Variants in PTPRB observed in about 807,000 individuals in gnomAD.
The protein encoded by PTPRB is receptor-type tyrosine-protein phosphatase beta.
Under a neutral mutation model 238.1 loss-of-function variants are expected in PTPRB, and 97 were observed. That is an observed-to-expected ratio of 0.41 (90% CI 0.35 to 0.48). The LOEUF (loss-of-function observed/expected upper bound fraction) is 0.48, where lower values mean the gene tolerates loss of function less well. PTPRB is among the 20% of genes least tolerant of loss of function. The pLI, the probability that PTPRB is intolerant of heterozygous loss-of-function variation, is 0.30. For missense variants in PTPRB, 2,292 were observed against 2,681.9 expected (o/e 0.85, Z 3.21); for synonymous variants, 970 against 995.4 (o/e 0.97, Z 0.48).
intron 22 of PTPRB, among the ~76,000 whole-genome samples, 193 bp downstream of exon 22, chr12:70,544,364 A>G (rs1476854422): frequency 6.6e-6 from 1 of 152,226 alleles, no homozygotes; most frequent in African/African-American, 2.4e-5. Context: ...TTCTTTTTAG[A>G]TTAACCCCCT....
intron 23 of PTPRB, chr12:70,540,367 GA>G (rs561713994): frequency 2.7e-5 from 6 of 221,794 alleles, no homozygotes; most frequent in African/African-American, 6.9e-5. Flanking sequence ...GCCAAATTAA[GA>G]AAAAAAATTC....
intron 11 of PTPRB, 103 bp downstream of exon 11, chr12:70,576,279 A>AG (rs1880676438): frequency 3.9e-6 from 5 of 1,278,884 alleles, no homozygotes; most frequent in Non-Finnish European, 5.4e-6. Context: ...TGTGATCTCA[A>AG]GGGCCTTTCA....
intron 31 of PTPRB, among the ~76,000 whole-genome samples, chr12:70,532,547 C>A (rs1201019078): frequency 6.6e-6 from 1 of 152,104 alleles, no homozygotes; most frequent in Non-Finnish European, 1.5e-5. Flanking sequence ...AACTTTCCTA[C>A]TCAATATTAT....
intron 4 of PTPRB, 74 bp downstream of exon 4, chr12:70,608,995 T>A: frequency 1.3e-6 from 2 of 1,516,102 alleles, no homozygotes; most frequent in Non-Finnish European, 1.8e-6. Flanking sequence ...GGAACTCAAA[T>A]GAAACACCAG....
In PTPRB at chr12:70,598,986, C is replaced by T. The variant is rs370296604; in HGVS notation, c.980-2659G>A. Among the ~76,000 whole-genome samples the T allele has an allele frequency of 9.1e-4, 139 of 152,202 alleles. 1 individual carries two copies. Among genetic ancestry groups the T allele is most frequent in the African/African-American group, 3.1e-3 (127 of 41,520 alleles). ...ATGAGACTGGGAAGTGCCTGGGCTG[C>T]GAGAACCTGCACTGGAAACAAACAC... On this transcript the variant is annotated intron_variant, in intron 4 of 33. Transcript: ENST00000334414.
rs1879994032 is a variant in PTPRB, at chr12:70,571,132, T to C, written c.3264A>G (p.Ala1088=). The C allele has an allele frequency of 1.2e-6, 2 of 1,613,996 alleles. No homozygotes were observed. The highest frequency in any genetic ancestry group is 1.7e-6 in the Non-Finnish European group (2 of 1,179,876). ...TTAGGGAAGTAAATCGATACTCGGT[T>C]GCGGTATTTACAAGGTGAAAAGGAG... ...VFPPFHLVNT[A]TEYRFTSLTP... Residue 1088 remains alanine, a synonymous_variant, in exon 13 of 34, where the codon GCA becomes GCG. Coordinates refer to ENST00000334414, the MANE Select transcript of PTPRB (RefSeq NM_001109754.4).
intron 31 of PTPRB, among the ~76,000 whole-genome samples, chr12:70,533,568 T>C (rs990296854): frequency 2.0e-5 from 3 of 152,110 alleles, no homozygotes; most frequent in Non-Finnish European, 4.4e-5. Context: ...GAGAAAAAAT[T>C]AGGTGCTACA....
intron 21 of PTPRB, among the ~76,000 whole-genome samples, chr12:70,545,937 G>C (rs982333285): frequency 3.9e-5 from 6 of 152,196 alleles, no homozygotes; most frequent in African/African-American, 1.2e-4. Context: ...AGGAGTTCGA[G>C]ATCAGCCTGG....
chr12:70,594,173 A>G (rs1042102880), intron 6 of PTPRB, among the ~76,000 whole-genome samples: 1 of 152,202 alleles, frequency 6.6e-6, no homozygotes, highest in East Asian at 1.9e-4. Context: ...CTGTTTAAGA[A>G]AAGGAAGTAG....
chr12:70,619,634 A>G (rs555524256), intron 3 of PTPRB, among the ~76,000 whole-genome samples: 2 of 152,226 alleles, frequency 1.3e-5, no homozygotes, highest in African/African-American at 4.8e-5. Context: ...ATAAGAGGCC[A>G]TGTGGAGGAG....
chr12:70,580,426 G>A (rs1881251783), intron 10 of PTPRB, among the ~76,000 whole-genome samples: 1 of 152,074 alleles, frequency 6.6e-6, no homozygotes, highest in South Asian at 2.1e-4. Context: ...ATCCATTATT[G>A]TTTACCTTAA....
intron 4 of PTPRB, among the ~76,000 whole-genome samples, chr12:70,598,848 T>C (rs1342958567): frequency 2.6e-5 from 4 of 152,078 alleles, no homozygotes; most frequent in Non-Finnish European, 5.9e-5. Flanking sequence ...AGAAATAAAT[T>C]TTAAGGTTGC....
At chr12:70,625,230 A>G (rs1885120064) in intron 2 of PTPRB, among the ~76,000 whole-genome samples, 1 of 152,140 alleles carries the variant, frequency 6.6e-6, no homozygotes, top group African/African-American at 2.4e-5. Context: ...TTAACATTCA[A>G]CTTCCAAGTT....
Position 70,595,298 on chromosome 12 carries a change from G to A in PTPRB, c.1259-574C>T, listed in dbSNP as rs12811859. 4.6e-5 allele frequency among the ~76,000 whole-genome samples: 7 copies of A among 152,146 alleles called. No homozygotes were observed. In the South Asian group the frequency reaches 1.0e-3, roughly 23 times the overall value. ...GAACATCACACACGGGGACCTGTTG[G>A]GGGGTGAGGGGGATAAGGAAGGGAT... is the stretch of plus-strand genomic sequence containing the variant. On this transcript the variant is annotated intron_variant, in intron 5 of 33. Transcript: ENST00000334414.
In PTPRB at chr12:70,592,514, T is replaced by C; in HGVS notation, c.1548A>G (p.Thr516=). The C allele has an allele frequency of 6.2e-7, 1 of 1,613,858 alleles. No individual in the cohort carries two copies. Among genetic ancestry groups the C allele is most frequent in the Non-Finnish European group, 8.5e-7 (1 of 1,179,846 alleles). Reference sequence around the variant, plus strand: ...TTAGAGAGGTCAAACTGCCATCATTTGTCACCTTCAGATTTGAGACTTCCA... The same window carrying C: ...TTAGAGAGGTCAAACTGCCATCATTCGTCACCTTCAGATTTGAGACTTCCA... ...APMEVSNLKV[T]NDGSLTSLKV... is the part of the protein sequence containing the mutation. The change falls in exon 7 of 34, where the codon ACA becomes ACG. Residue 516 remains threonine (T), a synonymous_variant. Coordinates refer to ENST00000334414, the MANE Select transcript of PTPRB (RefSeq NM_001109754.4).
intron 2 of PTPRB, among the ~76,000 whole-genome samples, chr12:70,630,785 A>G (rs958793303): frequency 3.9e-5 from 6 of 152,224 alleles, no homozygotes; most frequent in Non-Finnish European, 5.9e-5. Flanking sequence ...CTACACACCA[A>G]TAACAGACAG....
Position 70,635,895 on chromosome 12 carries a change from C to CG in PTPRB, c.226dup (p.Arg76ProfsTer22). The CG allele has an allele frequency of 6.2e-7, 1 of 1,613,692 alleles. No homozygotes were observed. The highest frequency in any genetic ancestry group is 1.1e-5 in the South Asian group (1 of 91,042). On this transcript the variant is annotated frameshift_variant, in exon 2 of 34. Coordinates refer to ENST00000334414, the MANE Select transcript of PTPRB (RefSeq NM_001109754.4). LOFTEE classifies it high-confidence loss of function. ...CAAGATGGCTGAGCGGGAGGGGCCG[C>CG]GGGAAGAGTTGGAGATGGCCAAGCA...
intron 15 of PTPRB, among the ~76,000 whole-genome samples, chr12:70,565,207 G>T (rs1408915487): frequency 6.6e-6 from 1 of 152,038 alleles, no homozygotes; most frequent in African/African-American, 2.4e-5. Context: ...TCTTTTTAAA[G>T]ATACATCTTT....
chr12:70,561,835 C>G (rs2136332249), intron 16 of PTPRB, among the ~76,000 whole-genome samples: 1 of 152,284 alleles, frequency 6.6e-6, no homozygotes, highest in South Asian at 2.1e-4. Context: ...ATGATCTGTC[C>G]TTGTCCTCTT....
Sources: allele counts gnomAD v4.1 joint callset (sites outside exome capture counted in the v4.1 genomes callset), GRCh38; gene constraint gnomAD v4.1.1; transcripts MANE v1.5; gene names NCBI Gene and HGNC (gene_info 2026-07-23, HGNC 2026-07-21).